The following RFX4 variants were observed in gnomAD, a reference collection of about 807,000 sequenced individuals.
RFX4 encodes regulatory factor X4, also known as transcription factor RFX4.
In RFX4, 10 loss-of-function variants were observed where a neutral mutation model predicts 95.0. The ratio of observed to expected loss-of-function variants is 0.11; its 90% CI spans 0.06 to 0.18. RFX4 has a LOEUF of 0.18. Among genes scored for constraint, RFX4 ranks in the 10% least tolerant of loss-of-function variants. RFX4 has a pLI of 1.00. For missense variants in RFX4, 640 were observed against 922.0 expected, an observed-to-expected ratio of 0.69 and a Z score of 3.96; for synonymous variants, 321 against 340.7, an observed-to-expected ratio of 0.94 and a Z score of 0.64.
rs116026347 is a variant in RFX4 at position 106,652,387 on chromosome 12, A to G, written c.192-1841A>G. Among the ~76,000 whole-genome samples the G allele has an allele frequency of 2.8e-3, 419 of 152,312 alleles. 1 individual carries two copies. The highest frequency in any genetic ancestry group is 9.4e-3 in the African/African-American group (392 of 41,568). On this transcript the variant is annotated intron_variant, in intron 3 of 17. Coordinates refer to ENST00000392842, the MANE Select transcript of RFX4 (RefSeq NM_213594.3). ...CAGCGCCTGGCAGGTGATAAGATCAATAAATATTTGTTGAATGAATAAATG... is the reference window on the plus strand; with the variant it reads ...CAGCGCCTGGCAGGTGATAAGATCAGTAAATATTTGTTGAATGAATAAATG...
chr12:106,723,089 C>CT (rs1365667682), intron 13 of RFX4, among the ~76,000 whole-genome samples: 1 of 152,218 alleles, frequency 6.6e-6, no homozygotes, highest in East Asian at 1.9e-4. Context: ...GTAGGGGACT[C>CT]TATCACCTCT....
chr12:106,600,258 G>A (rs2039681114), intron 1 of RFX4, among the ~76,000 whole-genome samples: 1 of 152,138 alleles, frequency 6.6e-6, no homozygotes, highest in Non-Finnish European at 1.5e-5. Context: ...CTTCGCACAT[G>A]CTGTTCCTTC....
chr12:106,753,560 G>C (rs1054285586), intron 17 of RFX4, among the ~76,000 whole-genome samples: 1 of 152,164 alleles, frequency 6.6e-6, no homozygotes, highest in African/African-American at 2.4e-5. Context: ...GCACCTATCA[G>C]AAAGAGGAGC....
At chr12:106,700,582 A>G (rs973609399) in intron 8 of RFX4, among the ~76,000 whole-genome samples, 10 of 149,964 alleles carry the variant, frequency 6.7e-5, no homozygotes, top group Non-Finnish European at 1.5e-4. Flanking sequence ...AATTTTTTGT[A>G]TTTTTAGTAG....
chr12:106,665,664 TA>T (rs956656663), intron 4 of RFX4, among the ~76,000 whole-genome samples: 3 of 151,892 alleles, frequency 2.0e-5, no homozygotes, highest in Non-Finnish European at 4.4e-5. Flanking sequence ...TACTTTAACA[TA>T]AAAAAACCTT....
At chr12:106,684,504 G>A (rs2041598847) in intron 5 of RFX4, among the ~76,000 whole-genome samples, 2 of 152,212 alleles carry the variant, frequency 1.3e-5, no homozygotes, top group African/African-American at 4.8e-5. Context: ...CTCAAGATCA[G>A]AGCAGTAGCT....
At chr12:106,696,218 T>C (rs2041875998) in intron 7 of RFX4, 65 bp from the exon 8 acceptor site, 5 of 1,584,380 alleles carry the variant, frequency 3.2e-6, no homozygotes, top group Non-Finnish European at 4.3e-6. Context: ...CTTGGTGGAG[T>C]CCCAAGCTTC....
At chr12:106,593,478 C>T (rs966138343) in intron 1 of RFX4, among the ~76,000 whole-genome samples, 3 of 152,204 alleles carry the variant, frequency 2.0e-5, no homozygotes, top group Non-Finnish European at 2.9e-5. Context: ...AGTCTTTGAA[C>T]TAGATTTTGA....
chr12:106,629,287 CT>C (rs2040368026), intron 2 of RFX4, among the ~76,000 whole-genome samples: 1 of 152,262 alleles, frequency 6.6e-6, no homozygotes, highest in East Asian at 1.9e-4. Flanking sequence ...TGTTTCCAAA[CT>C]TTTGCTGCTA....
chr12:106,756,896 T>G (rs1188719571), intron 17 of RFX4, among the ~76,000 whole-genome samples: 1 of 152,186 alleles, frequency 6.6e-6, no homozygotes, highest in Non-Finnish European at 1.5e-5. Context: ...CCAAGTCCTT[T>G]TTCTCTCCCC....
At chr12:106,590,845 G>A (rs1476953559) in intron 1 of RFX4, among the ~76,000 whole-genome samples, 5 of 152,134 alleles carry the variant, frequency 3.3e-5, no homozygotes, top group African/African-American at 9.7e-5. Context: ...TACTCAGGAG[G>A]CTGAGATGGG....
intron 8 of RFX4, among the ~76,000 whole-genome samples, chr12:106,698,637 CTTAT>C (rs2041929670): frequency 6.6e-6 from 1 of 151,388 alleles, no homozygotes; most frequent in African/African-American, 2.4e-5. Flanking sequence ...ATGTCTTTCT[CTTAT>C]TTAGATATCA....
At chr12:106,640,109 C>T (rs988560223) in intron 3 of RFX4, among the ~76,000 whole-genome samples, 6 of 152,148 alleles carry the variant, frequency 3.9e-5, no homozygotes, top group African/African-American at 7.2e-5. Context: ...TTATATGCAC[C>T]CCTCCAGGCT....
chr12:106,672,634 G>A (rs1034965302), intron 4 of RFX4, among the ~76,000 whole-genome samples: 1 of 152,134 alleles, frequency 6.6e-6, no homozygotes, highest in African/African-American at 2.4e-5. Flanking sequence ...CAGCCTGAGC[G>A]GGGCTGAACC....
intron 15 of RFX4, among the ~76,000 whole-genome samples, chr12:106,740,932 A>G (rs763834985): frequency 6.6e-6 from 1 of 152,196 alleles, no homozygotes; most frequent in Admixed American, 6.5e-5. Context: ...GCATGTGCAC[A>G]GGCCTCAGGC....
intron 2 of RFX4, among the ~76,000 whole-genome samples, chr12:106,626,356 C>T (rs1351033729): frequency 6.6e-6 from 1 of 152,154 alleles, no homozygotes; most frequent in Non-Finnish European, 1.5e-5. Context: ...CCATGTGGTT[C>T]CTGCAGTGAT....
At chr12:106,604,210 T>G (rs887074271) in intron 1 of RFX4, among the ~76,000 whole-genome samples, 1 of 144,674 alleles carries the variant, frequency 6.9e-6, no homozygotes, top group African/African-American at 2.6e-5. Context: ...AACCTCTGCC[T>G]CCAGGGTTCA....
At chr12:106,661,752 C>A (rs2041078627) in intron 4 of RFX4, among the ~76,000 whole-genome samples, 1 of 152,218 alleles carries the variant, frequency 6.6e-6, no homozygotes, top group Admixed American at 6.5e-5. Flanking sequence ...CTGGTAACTA[C>A]TGATCTTTTT....
intron 15 of RFX4, among the ~76,000 whole-genome samples, chr12:106,742,306 C>T (rs908370908): frequency 1.3e-5 from 2 of 152,144 alleles, no homozygotes; most frequent in Non-Finnish European, 2.9e-5. Context: ...CCCGCCTCAG[C>T]TTCCCAAGTA....
Sources: gnomAD v4.1 joint callset for allele counts (sites outside exome capture counted in the v4.1 genomes callset) on GRCh38, gnomAD v4.1.1 for gene constraint, MANE v1.5 for transcripts, NCBI Gene and HGNC (gene_info 2026-07-23, HGNC 2026-07-21) for gene names.